DCLK1: variants seen among roughly 807,000 people sequenced by gnomAD.
DCLK1 encodes the protein doublecortin like kinase 1, also known as serine/threonine-protein kinase DCLK1.
DCLK1 carries 16 observed loss-of-function variants against 86.2 expected under a neutral mutation model. The observed-to-expected ratio is 0.19, with a 90% CI of 0.13 to 0.28. The LOEUF (loss-of-function observed/expected upper bound fraction) is 0.28. Among genes scored for constraint, DCLK1 ranks in the 10% least tolerant of loss-of-function variants. The probability of loss-of-function intolerance (pLI) is 1.00; values close to 1 mark genes in which losing one functional copy is unlikely to be tolerated. For synonymous variants in DCLK1, 369 were observed against 370.5 expected (o/e 1.00, Z 0.05); for missense variants, 590 against 940.2 (o/e 0.63, Z 4.87).
chr13:35,923,908 G>T (rs1428271596), intron 4 of DCLK1, among the ~76,000 whole-genome samples: 1 of 152,100 alleles, frequency 6.6e-6, no homozygotes, highest in Non-Finnish European at 1.5e-5. Context: ...CAGAACAAAT[G>T]CACATGCTAA....
chr13:36,095,533 C>G (rs540666591), intron 3 of DCLK1, among the ~76,000 whole-genome samples: 128 of 152,054 alleles, frequency 8.4e-4, no homozygotes, highest in Non-Finnish European at 2.5e-4. Context: ...GCTCAAACTC[C>G]CAAATGTTTC....
intron 4 of DCLK1, among the ~76,000 whole-genome samples, chr13:35,921,989 A>G (rs975990081): frequency 6.6e-6 from 1 of 152,172 alleles, no homozygotes; most frequent in African/African-American, 2.4e-5. Flanking sequence ...AGTGCCTACT[A>G]CCTTAAGTGC....
intron 3 of DCLK1, among the ~76,000 whole-genome samples, chr13:36,096,649 C>G (rs918942920): frequency 6.6e-6 from 1 of 152,136 alleles, no homozygotes; most frequent in Non-Finnish European, 1.5e-5. Flanking sequence ...AAGGAACAGA[C>G]AAAGCACATG....
intron 3 of DCLK1, among the ~76,000 whole-genome samples, chr13:35,986,897 G>A (rs1879943656): frequency 6.6e-6 from 1 of 152,174 alleles, no homozygotes; most frequent in Admixed American, 6.5e-5. Context: ...CAGCCCTAAA[G>A]AGAAAGGGGA....
intron 3 of DCLK1, among the ~76,000 whole-genome samples, chr13:35,998,068 T>C (rs1399702668): frequency 6.6e-6 from 1 of 152,180 alleles, no homozygotes; most frequent in African/African-American, 2.4e-5. Context: ...TCAGTGGCTT[T>C]AGTTACTGAC....
chr13:36,002,118 G>A (rs1880748364), intron 3 of DCLK1, among the ~76,000 whole-genome samples: 2 of 152,128 alleles, frequency 1.3e-5, no homozygotes, highest in Non-Finnish European at 2.9e-5. Context: ...CTGGGTGATG[G>A]CCAATTCAAG....
intron 4 of DCLK1, among the ~76,000 whole-genome samples, chr13:35,935,548 C>A (rs1876708190): frequency 6.6e-6 from 1 of 152,128 alleles, no homozygotes; most frequent in South Asian, 2.1e-4. Context: ...GCCATGAGCT[C>A]ATCCAGGAAA....
intron 3 of DCLK1, among the ~76,000 whole-genome samples, chr13:35,975,452 C>A (rs1188549731): frequency 6.6e-6 from 1 of 152,000 alleles, no homozygotes; most frequent in East Asian, 1.9e-4. Context: ...AGGGTCCACT[C>A]CCTGTTCCTG....
intron 3 of DCLK1, among the ~76,000 whole-genome samples, chr13:36,043,258 AAAAG>A (rs147768120): frequency 0.024 from 3,612 of 152,170 alleles, 42 homozygotes; most frequent in South Asian, 0.059. Flanking sequence ...TACATCCACA[AAAAG>A]AAAGAGAGTA....
At chr13:36,118,663 A>T (rs1885877315) in intron 2 of DCLK1, among the ~76,000 whole-genome samples, 1 of 152,172 alleles carries the variant, frequency 6.6e-6, no homozygotes. Context: ...ACCGAATTTG[A>T]TGATAGCCTG....
chr13:36,033,123 C>T (rs1882352542), intron 3 of DCLK1, among the ~76,000 whole-genome samples: 1 of 152,176 alleles, frequency 6.6e-6, no homozygotes. Flanking sequence ...GGCCTACACT[C>T]ACGCTTTTAA....
At chr13:35,799,067 A>G (rs546185410) in intron 15 of DCLK1, among the ~76,000 whole-genome samples, 1 of 152,348 alleles carries the variant, frequency 6.6e-6, no homozygotes, top group South Asian at 2.1e-4. Flanking sequence ...TATTTAAACC[A>G]GTCTGTTCTG....
intron 4 of DCLK1, among the ~76,000 whole-genome samples, chr13:35,915,968 CAATT>C (rs1875383631): frequency 6.6e-6 from 1 of 152,110 alleles, no homozygotes; most frequent in Non-Finnish European, 1.5e-5. Flanking sequence ...TATTTTAAAA[CAATT>C]AAACAAATCA....
intron 4 of DCLK1, among the ~76,000 whole-genome samples, chr13:35,915,688 T>G (rs1485388548): frequency 6.6e-6 from 1 of 152,136 alleles, no homozygotes; most frequent in East Asian, 1.9e-4. Context: ...TGGGTGACCC[T>G]GAGACCCCAC....
At chr13:35,891,827 T>C (rs1024168494) in intron 4 of DCLK1, among the ~76,000 whole-genome samples, 11 of 152,192 alleles carry the variant, frequency 7.2e-5, no homozygotes, top group Middle Eastern at 3.2e-3. Flanking sequence ...TCTTTGTTTA[T>C]TCTCAGCTGT....
intron 6 of DCLK1, among the ~76,000 whole-genome samples, chr13:35,852,156 T>C (rs1303802181): frequency 2.0e-5 from 3 of 152,260 alleles, no homozygotes; most frequent in African/African-American, 7.2e-5. Flanking sequence ...TGTCTTCTTT[T>C]AGCACATGCC....
At chr13:36,048,279 T>C (rs897143000) in intron 3 of DCLK1, among the ~76,000 whole-genome samples, 6 of 152,196 alleles carry the variant, frequency 3.9e-5, no homozygotes, top group African/African-American at 9.6e-5. Context: ...CTTGATAATA[T>C]TTTAAATGTT....
chr13:36,113,480 A>G (rs1194645657), intron 2 of DCLK1, among the ~76,000 whole-genome samples: 1 of 152,212 alleles, frequency 6.6e-6, no homozygotes, highest in African/African-American at 2.4e-5. Flanking sequence ...TCAGGATTTA[A>G]GTAAATATCA....
intron 4 of DCLK1, among the ~76,000 whole-genome samples, chr13:35,939,873 T>C (rs1348444655): frequency 6.6e-6 from 1 of 152,218 alleles, no homozygotes; most frequent in Admixed American, 6.5e-5. Context: ...TGTCTGTCTA[T>C]TGCAAATCAC....
Sources: gnomAD v4.1 joint callset for allele counts (sites outside exome capture counted in the v4.1 genomes callset) on GRCh38, gnomAD v4.1.1 for gene constraint, MANE v1.5 for transcripts, NCBI Gene and HGNC (gene_info 2026-07-23, HGNC 2026-07-21) for gene names.